The following CTSE variants were observed in gnomAD, a reference collection of about 807,000 sequenced individuals.
CTSE encodes erythrocyte membrane aspartic proteinase.
A neutral mutation model predicts 42.8 loss-of-function variants in CTSE; 43 were observed. The ratio of observed to expected loss-of-function variants is 1.01; its 90% CI spans 0.79 to 1.30. The LOEUF is 1.30. CTSE is among the 50% of genes most tolerant of loss of function. CTSE has a pLI of 0.00. For missense variants in CTSE, 532 were observed against 493.5 expected (o/e 1.08, Z -0.74); for synonymous variants, 205 against 191.5 (o/e 1.07, Z -0.58).
intron 5 of CTSE, chr1:206,014,202 T>G (rs1553277501): frequency 3.1e-6 from 1 of 326,532 alleles, no homozygotes; most frequent in Non-Finnish European, 5.8e-6. Flanking sequence ...AGGACCATCC[T>G]GGGTGGGTAT....
chr1:206,012,360 A>T lies in CTSE; in HGVS notation c.974T>A (p.Phe325Tyr). The T allele has an allele frequency of 6.2e-7, 1 of 1,613,964 alleles. No individual in the cohort carries two copies. The change falls in exon 8 of 9, where the codon TTC (phenylalanine) becomes TAC (tyrosine). Residue 325 changes from phenylalanine (F) to tyrosine (Y), a missense_variant. Coordinates refer to ENST00000358184, the MANE Select transcript of CTSE (RefSeq NM_001910.4). ...GGTATAGGGGACTCCGTTAATGGTG[A>T]AGGTGACATCCGGCATGACGTTAAG... Reference protein sequence around the residue: ...ANLNVMPDVTFTINGVPYTLS... With the variant: ...ANLNVMPDVTYTINGVPYTLS...
At chr1:206,022,660 T>C (rs1264918421) in intron 2 of CTSE, among the ~76,000 whole-genome samples, 2 of 151,934 alleles carry the variant, frequency 1.3e-5, no homozygotes, top group Non-Finnish European at 2.9e-5. Context: ...GGGCCTTCAG[T>C]GTGGGATGAT....
intron 1 of CTSE, among the ~76,000 whole-genome samples, chr1:206,023,319 T>C (rs1174351251): frequency 6.6e-6 from 1 of 151,458 alleles, no homozygotes; most frequent in Non-Finnish European, 1.5e-5. Context: ...TCTAGGAAAA[T>C]GGGAGATGTG....
intron 8 of CTSE, among the ~76,000 whole-genome samples, chr1:206,011,826 T>G (rs572198666): frequency 7.9e-5 from 12 of 152,218 alleles, no homozygotes; most frequent in Admixed American, 7.8e-4. Flanking sequence ...CTTGAGAATT[T>G]ACTGCAACAA....
intron 1 of CTSE, 99 bp from the exon 2 acceptor site, chr1:206,023,156 GT>G: frequency 2.0e-6 from 2 of 997,300 alleles, no homozygotes; most frequent in African/African-American, 1.6e-5. Context: ...AGAAGATGGG[GT>G]GGGAGGGGGG....
chr1:206,013,490 G>T (rs1446860503), intron 6 of CTSE, among the ~76,000 whole-genome samples: 1 of 151,990 alleles, frequency 6.6e-6, no homozygotes, highest in African/African-American at 2.4e-5. Flanking sequence ...CCCTTGCCTT[G>T]TGTGTTAATG....
chr1:206,021,403 A>C (rs1271322592), intron 3 of CTSE: 15 of 511,226 alleles, frequency 2.9e-5, no homozygotes, highest in African/African-American at 2.9e-4. Context: ...GATTGTCCAC[A>C]ATGACCTCAT....
At chr1:206,020,772 T>C (rs180902299) in intron 4 of CTSE, among the ~76,000 whole-genome samples, 2 of 152,114 alleles carry the variant, frequency 1.3e-5, no homozygotes, top group Non-Finnish European at 2.9e-5. Flanking sequence ...CCCTAGAGAC[T>C]GGAGATCCAG....
chr1:206,010,320 T>C lies in CTSE; in HGVS notation c.1054A>G (p.Ser352Gly). 6.2e-7 allele frequency: 1 copy of C among 1,613,702 alleles called. No individual in the cohort carries two copies. The highest frequency in any genetic ancestry group is 8.5e-7 in the Non-Finnish European group (1 of 1,179,740). ...ATGTCAAGTCCTTGAAAGCCACTGC[T>C]GCAGAACTGCATTCCATCCACGAAG... ...LDFVDGMQFC[S>G]SGFQGLDIHP... The change falls in exon 9 of 9, where the codon AGC becomes GGC. Residue 352 changes from serine to glycine, a missense_variant. By Grantham distance (56) the Ser-to-Gly change is moderately conservative (BLOSUM62 0). Transcript: ENST00000358184.
chr1:206,022,020 G>C, intron 3 of CTSE, 130 bp downstream of exon 3: 1 of 596,270 alleles, frequency 1.7e-6, no homozygotes, highest in Admixed American at 3.2e-5. Flanking sequence ...CTCAAAGATG[G>C]AGAGTGGAAG....
At chr1:206,016,467 A>T (rs189874646) in intron 4 of CTSE, among the ~76,000 whole-genome samples, 1 of 152,060 alleles carries the variant, frequency 6.6e-6, no homozygotes, top group Non-Finnish European at 1.5e-5. Flanking sequence ...GTCACTCATC[A>T]TGTGCTTATT....
chr1:206,020,514 C>G (rs1661388189), intron 4 of CTSE, among the ~76,000 whole-genome samples: 1 of 152,040 alleles, frequency 6.6e-6, no homozygotes, highest in Admixed American at 6.6e-5. Context: ...TCCCATAGTT[C>G]TAGGACCCAT....
chr1:206,022,701 A>C (rs1661474710), intron 2 of CTSE, among the ~76,000 whole-genome samples, 200 bp downstream of exon 2: 1 of 151,994 alleles, frequency 6.6e-6, no homozygotes, highest in African/African-American at 2.4e-5. Context: ...CCTTCTGCAG[A>C]GAACTCTGAC....
intron 5 of CTSE, among the ~76,000 whole-genome samples, chr1:206,014,933 G>C (rs74145080): frequency 2.6e-5 from 4 of 151,960 alleles, no homozygotes; most frequent in Admixed American, 2.6e-4. Flanking sequence ...GTGGGAGAGG[G>C]GAATGAGAGG....
intron 4 of CTSE, among the ~76,000 whole-genome samples, chr1:206,017,303 C>T (rs548016958): frequency 6.6e-6 from 1 of 152,078 alleles, no homozygotes; most frequent in East Asian, 1.9e-4. Context: ...AAATCCAAAA[C>T]TTTTTGAGTG....
Position 206,010,104 on chromosome 1 carries a change from T to G in CTSE, c.*79A>C. 3 of 1,572,476 alleles carry G rather than the reference T, an allele frequency of 1.9e-6. No homozygotes were observed. The highest frequency in any genetic ancestry group is 2.6e-6 in the Non-Finnish European group (3 of 1,144,880). ...CAGCTACATTCTCTGGAAAATAACT[T>G]TTTGTAGGTGTAAAGAATGCCCCAG... On this transcript the variant is annotated 3_prime_UTR_variant, in exon 9 of 9. Coordinates refer to ENST00000358184, the MANE Select transcript of CTSE (RefSeq NM_001910.4).
intron 5 of CTSE, 119 bp from the exon 6 acceptor site, chr1:206,014,013 T>A: frequency 4.4e-6 from 5 of 1,124,110 alleles, no homozygotes; most frequent in Non-Finnish European, 6.5e-6. Context: ...GGCAGAAACA[T>A]CAGTCTGGGC....
At chr1:206,017,388 G>A (rs1321715910) in intron 4 of CTSE, among the ~76,000 whole-genome samples, 1 of 151,912 alleles carries the variant, frequency 6.6e-6, no homozygotes, top group African/African-American at 2.4e-5. Context: ...ATACTAAACT[G>A]GTAAGTATAA....
intron 6 of CTSE, among the ~76,000 whole-genome samples, 174 bp from the exon 7 acceptor site, chr1:206,012,823 GACC>G (rs1661150582): frequency 6.6e-6 from 1 of 152,050 alleles, no homozygotes; most frequent in Non-Finnish European, 1.5e-5. Context: ...TTTACTTCTT[GACC>G]CAGTGCACAC....
Sources: allele counts gnomAD v4.1 joint callset (sites outside exome capture counted in the v4.1 genomes callset), GRCh38; gene constraint gnomAD v4.1.1; transcripts MANE v1.5; gene names NCBI Gene and HGNC (gene_info 2026-07-23, HGNC 2026-07-21).